The following R3HDM4 variants were observed in gnomAD, a reference collection of about 807,000 sequenced individuals.
R3HDM4 encodes R3H domain containing 4, also known as R3H domain-containing protein 4.
A neutral mutation model predicts 31.3 loss-of-function variants in R3HDM4; 30 were observed. The ratio of observed to expected loss-of-function variants is 0.96; its 90% CI spans 0.72 to 1.30. The LOEUF (loss-of-function observed/expected upper bound fraction) is 1.30, where lower values mean the gene tolerates loss of function less well. R3HDM4 is among the 50% of genes most tolerant of loss of function. The pLI is 0.00. For synonymous variants in R3HDM4, 196 were observed against 156.6 expected (o/e 1.25, Z -1.88); for missense variants, 444 against 366.1 (o/e 1.21, Z -1.74).
chr19:902,291 C>G (rs942849444), intron 1 of R3HDM4, 161 bp from the exon 2 acceptor site: 103 of 700,862 alleles, frequency 1.5e-4, no homozygotes, highest in Non-Finnish European at 2.0e-4. Flanking sequence ...TTTGTTTCAT[C>G]CTCACATCAC....
At chr19:903,280 A>G (rs1467354902) in intron 1 of R3HDM4, among the ~76,000 whole-genome samples, 6 of 146,610 alleles carry the variant, frequency 4.1e-5, no homozygotes, top group African/African-American at 1.5e-4. Flanking sequence ...GGCCAGGAGG[A>G]GAGTGCGGCT....
chr19:910,353 G>A (rs1395763130), intron 1 of R3HDM4, among the ~76,000 whole-genome samples: 2 of 151,950 alleles, frequency 1.3e-5, no homozygotes, highest in Non-Finnish European at 2.9e-5. Context: ...GCATGGTGGT[G>A]CACACCTGTG....
chr19:900,749 C>A (rs547818757), intron 4 of R3HDM4, 80 bp downstream of exon 4: 3 of 231,374 alleles, frequency 1.3e-5, no homozygotes, highest in South Asian at 4.5e-5. Flanking sequence ...CCTGCCCCCC[C>A]ATCCCGGCCC....
At chr19:910,344 C>A (rs1568343966) in intron 1 of R3HDM4, among the ~76,000 whole-genome samples, 1 of 151,328 alleles carries the variant, frequency 6.6e-6, no homozygotes, top group Non-Finnish European at 1.5e-5. Flanking sequence ...AAATAGCCGG[C>A]ATGGTGGTGC....
At position 907,080 on chromosome 19, in the gene R3HDM4, G is replaced by A. The variant is rs2036914938; in HGVS notation, c.72-4950C>T. On this transcript the variant is annotated intron_variant, in intron 1 of 7. Coordinates refer to ENST00000361574, the MANE Select transcript of R3HDM4 (RefSeq NM_138774.4). The surrounding 1 kb of genome is among the most constrained non-coding windows in gnomAD (Gnocchi z 4.1). ...TCCGCCTGCCTCAGCCTCCCAAAGT[G>A]CTGGGATTACAGGCATGAGCTACCA... 6.6e-6 allele frequency among the ~76,000 whole-genome samples: 1 copy of A among 152,144 alleles called. No individual in the cohort carries two copies. The highest frequency in any genetic ancestry group is 6.5e-5 in the Admixed American group (1 of 15,270).
intron 1 of R3HDM4, among the ~76,000 whole-genome samples, chr19:905,867 G>A (rs987272228): frequency 9.2e-5 from 14 of 152,110 alleles, no homozygotes; most frequent in African/African-American, 7.2e-5. Context: ...GCAGAGGCAC[G>A]GGTCAAGCTT....
rs201460253 is a variant in R3HDM4, at chr19:901,484, A to T, written c.289T>A (p.Leu97Met). ...ATGCCTGGTGATGCAGGGGGTGCCA[A>T]GTCCCCATCCTCCAGGCCAGGCAGG... ...GGLPGLEDGD[L>M]APPASPGIFA... The change falls in exon 3 of 8, where the codon TTG (leucine) becomes ATG (methionine). Residue 97 changes from leucine to methionine, a missense_variant. Physicochemically the swap from Leu to Met is conservative, Grantham distance 15. Coordinates refer to ENST00000361574, the MANE Select transcript of R3HDM4 (RefSeq NM_138774.4). The T allele has an allele frequency of 1.2e-6, 2 of 1,609,552 alleles. No individual in the cohort carries two copies. The highest frequency in any genetic ancestry group is 4.5e-5 in the East Asian group (2 of 44,828).
At chr19:902,204 A>G in intron 1 of R3HDM4, 74 bp from the exon 2 acceptor site, 3 of 1,557,414 alleles carry the variant, frequency 1.9e-6, no homozygotes, top group Non-Finnish European at 2.6e-6. Flanking sequence ...TACCACAGCC[A>G]TGGCCCGCTT....
intron 1 of R3HDM4, among the ~76,000 whole-genome samples, chr19:910,282 A>G (rs912630661): frequency 2.0e-5 from 3 of 151,878 alleles, no homozygotes; most frequent in African/African-American, 7.3e-5. Flanking sequence ...CCGAGATCGC[A>G]CTACTGTACT....
intron 3 of R3HDM4, 144 bp downstream of exon 3, chr19:901,278 C>T: frequency 3.2e-6 from 3 of 937,320 alleles, no homozygotes; most frequent in Non-Finnish European, 4.7e-6. Flanking sequence ...GGTCTGGGGA[C>T]CCCGAAGGAG....
chr19:902,352 G>C, intron 1 of R3HDM4: 1 of 560,868 alleles, frequency 1.8e-6, no homozygotes, highest in Non-Finnish European at 3.2e-6. Context: ...GCTCATGCCG[G>C]TGATCCCAGC....
intron 1 of R3HDM4, chr19:902,438 T>TA: frequency 4.5e-6 from 1 of 220,272 alleles, no homozygotes; most frequent in Non-Finnish European, 8.7e-6. Flanking sequence ...AGCAAGACTA[T>TA]GAAAAAAAAA....
chr19:899,486 C>T lies in R3HDM4; in HGVS notation c.657G>A (p.Arg219=), dbSNP rs751288551. The T allele has an allele frequency of 2.9e-5, 47 of 1,613,750 alleles. No homozygotes were observed. The highest frequency in any genetic ancestry group is 4.0e-5 in the Non-Finnish European group (47 of 1,179,954). The part of the protein sequence containing the change: ...YTAMLDNSFE[R]LLLHAVCQYM... The stretch of plus-strand genomic sequence containing the variant: ...ACTGGCAGACAGCGTGCAGCAGAAG[C>T]CTCTCGAAGCTGTGGGGAACGGGCA... Residue 219 remains arginine (R), a synonymous_variant, in exon 7 of 8, where the codon AGG becomes AGA. Transcript: ENST00000361574. This position sits in a 1 kb window ranked among gnomAD's most constrained non-coding sequence, Gnocchi z 6.8.
chr19:899,024 G>A lies in R3HDM4; in HGVS notation c.703+416C>T, dbSNP rs1323409625. Among the ~76,000 whole-genome samples, 2 of 152,146 alleles carry A rather than the reference G, an allele frequency of 1.3e-5. No homozygotes were observed. The highest frequency in any genetic ancestry group is 2.9e-5 in the Non-Finnish European group (2 of 68,016). On this transcript the variant is annotated intron_variant, in intron 7 of 7. Coordinates refer to ENST00000361574, the MANE Select transcript of R3HDM4 (RefSeq NM_138774.4). The surrounding 1 kb of genome is among the most constrained non-coding windows in gnomAD (Gnocchi z 6.8). The stretch of plus-strand genomic sequence containing the variant: ...GCCCCGTTGGAAAAGTGGAGCGCAG[G>A]GGCCAGTAGGGGGTCTCGCCTGAGG...
At position 913,189 on chromosome 19, in the gene R3HDM4, G is replaced by A. The variant is rs928987306; in HGVS notation, c.-32C>T. ...CACGCTGTCGCCGCCGCCGCCGCCC[G>A]GCAGGGCCTTCACCGGGCCGGGCAG... is the stretch of plus-strand genomic sequence containing the variant. On this transcript the variant is annotated 5_prime_UTR_variant, in exon 1 of 8. Transcript: ENST00000361574. This position sits in a 1 kb window ranked among gnomAD's most constrained non-coding sequence, Gnocchi z 5.0. The A allele has an allele frequency of 2.7e-5, 29 of 1,057,486 alleles. No homozygotes were observed. Among genetic ancestry groups the A allele is most frequent in the African/African-American group, 8.5e-5 (5 of 58,632 alleles). 65.5% of individuals were successfully genotyped at this position (1,057,486 alleles called of 1,614,324 possible). A position where few individuals can be genotyped will look rare whatever the true frequency, so the allele number is the denominator to read the frequency against.
At chr19:901,905 A>G (rs2036842266) in intron 2 of R3HDM4, 71 bp downstream of exon 2, 7 of 1,576,612 alleles carry the variant, frequency 4.4e-6, no homozygotes, top group Middle Eastern at 1.7e-4. Context: ...GGGGTAACAG[A>G]TAACACCAAT....
At chr19:911,992 C>T (rs1460235707) in intron 1 of R3HDM4, among the ~76,000 whole-genome samples, 1 of 149,442 alleles carries the variant, frequency 6.7e-6, no homozygotes, top group Admixed American at 6.6e-5. Context: ...GAACCCCGAC[C>T]CGCGGACAGG....
At position 913,030 on chromosome 19, in the gene R3HDM4, G is replaced by C. The variant is rs914794907; in HGVS notation, c.71+57C>G. ...GAGGGGAGGCGGGGAGAGGATCTCAGGGGAGGGAGCCCAGCCCGCCCCCGG... is the reference window on the plus strand; with the variant it reads ...GAGGGGAGGCGGGGAGAGGATCTCACGGGAGGGAGCCCAGCCCGCCCCCGG... On this transcript the variant is annotated intron_variant, in intron 1 of 7. Transcript: ENST00000361574. The surrounding 1 kb of genome is among the most constrained non-coding windows in gnomAD (Gnocchi z 5.0). 122 of 699,814 alleles carry C rather than the reference G, an allele frequency of 1.7e-4. No homozygotes were observed. In the African/African-American group the frequency reaches 2.2e-3, roughly 13 times the overall value. The allele number at this position is 699,814 out of a possible 1,614,324, so 43.4% of individuals were successfully genotyped here.
chr19:901,324 G>A (rs570526090), intron 3 of R3HDM4, 98 bp downstream of exon 3: 31 of 1,323,648 alleles, frequency 2.3e-5, no homozygotes, highest in African/African-American at 2.9e-5. Flanking sequence ...AGAAGTGGGC[G>A]GGTGCTTCTG....
Sources: gnomAD v4.1 joint callset for allele counts (sites outside exome capture counted in the v4.1 genomes callset) on GRCh38, gnomAD v4.1.1 for gene constraint, Gnocchi (gnomAD v3.1) non-coding constraint, MANE v1.5 for transcripts, NCBI Gene and HGNC (gene_info 2026-07-23, HGNC 2026-07-21) for gene names.